Variants in NEO1 observed in about 807,000 individuals in gnomAD.
The protein encoded by NEO1 is neogenin 1, also known as neogenin.
NEO1 carries 63 observed loss-of-function variants against 159.7 expected under a neutral mutation model. The observed-to-expected ratio is 0.39, with a 90% CI of 0.32 to 0.49. NEO1 has a LOEUF of 0.49. Among genes scored for constraint, NEO1 ranks in the 20% least tolerant of loss-of-function variants. The pLI is 0.85. For missense variants in NEO1, 1,615 were observed against 1,831.0 expected, an observed-to-expected ratio of 0.88 and a Z score of 2.15; for synonymous variants, 633 against 662.0, an observed-to-expected ratio of 0.96 and a Z score of 0.67.
chr15:73,262,033 T>C (rs1330201134), intron 15 of NEO1, among the ~76,000 whole-genome samples: 2 of 152,252 alleles, frequency 1.3e-5, no homozygotes, highest in East Asian at 3.9e-4. Flanking sequence ...AAGACAGTCT[T>C]TTTAACAAAA....
intron 1 of NEO1, among the ~76,000 whole-genome samples, chr15:73,089,962 C>T (rs971730290): frequency 4.6e-5 from 7 of 152,098 alleles, no homozygotes; most frequent in Non-Finnish European, 1.5e-5. Flanking sequence ...GGGACGGACC[C>T]AGTTTACACC....
intron 11 of NEO1, among the ~76,000 whole-genome samples, chr15:73,250,404 C>T (rs1049699919): frequency 1.6e-4 from 25 of 152,026 alleles, no homozygotes; most frequent in Admixed American, 8.5e-4. Context: ...TTTAAAAAAA[C>T]GTATTTATGT....
At chr15:73,185,248 T>G (rs2151986431) in intron 7 of NEO1, among the ~76,000 whole-genome samples, 1 of 152,292 alleles carries the variant, frequency 6.6e-6, no homozygotes. Flanking sequence ...ATTTGCAACA[T>G]CAAGAGTGAA....
chr15:73,110,227 A>G (rs2070902654), intron 1 of NEO1, among the ~76,000 whole-genome samples: 1 of 152,148 alleles, frequency 6.6e-6, no homozygotes, highest in South Asian at 2.1e-4. Flanking sequence ...ACAAGTAGTA[A>G]AAAAAGAAAA....
At chr15:73,298,212 C>T (rs2042454835) in intron 26 of NEO1, 136 bp from the exon 27 acceptor site, 1 of 1,028,912 alleles carries the variant, frequency 9.7e-7, no homozygotes, top group Non-Finnish European at 1.4e-6. Flanking sequence ...TGGTGCTAAT[C>T]CATGTTCTCT....
chr15:73,301,185 A>G, intron 27 of NEO1, 136 bp from the exon 28 acceptor site: 1 of 1,101,790 alleles, frequency 9.1e-7, no homozygotes, highest in Non-Finnish European at 1.3e-6. Context: ...TTATTCCAGT[A>G]ACTTTTCAGA....
chr15:73,174,387 C>T (rs1347829204), intron 5 of NEO1, among the ~76,000 whole-genome samples: 1 of 152,084 alleles, frequency 6.6e-6, no homozygotes. Context: ...GTGGGCTGGA[C>T]AGATGATAAG....
At chr15:73,072,639 G>T (rs1414475950) in intron 1 of NEO1, among the ~76,000 whole-genome samples, 2 of 152,170 alleles carry the variant, frequency 1.3e-5, no homozygotes, top group East Asian at 3.9e-4. Context: ...TAAATTTAAT[G>T]AATTTAAAAG....
chr15:73,258,441 T>G (rs1018871670), intron 13 of NEO1, among the ~76,000 whole-genome samples: 6 of 152,310 alleles, frequency 3.9e-5, no homozygotes, highest in Admixed American at 2.6e-4. Context: ...GGCCTTAGCT[T>G]TCTTTGTAAC....
At chr15:73,195,515 G>C (rs1223087980) in intron 7 of NEO1, among the ~76,000 whole-genome samples, 4 of 152,122 alleles carry the variant, frequency 2.6e-5, no homozygotes, top group Non-Finnish European at 5.9e-5. Context: ...AATATAATTT[G>C]ATATGCATTT....
At chr15:73,170,244 C>T (rs1483038217) in intron 5 of NEO1, among the ~76,000 whole-genome samples, 2 of 152,164 alleles carry the variant, frequency 1.3e-5, no homozygotes, top group Middle Eastern at 3.4e-3. Context: ...ATTGTTGGTA[C>T]AGATGTTTAT....
Position 73,136,018 on chromosome 15 carries a change from A to G in NEO1, c.1006A>G (p.Thr336Ala). ...GACAATTGAAGCTCAAGCAGAGCTT[A>G]CAGTGCAAGGTATGTAAATATTTAC... ...NETIEAQAEL[T>A]VQAQPEFLKQ... The change falls in exon 5 of 29, where the codon ACA becomes GCA. Residue 336 changes from threonine (T) to alanine (A), a missense_variant. Thr to Ala is a moderately conservative substitution (Grantham distance 58, BLOSUM62 0). This residue lies in a region of NEO1 where 1,018 missense variants were observed against 1,115.4 expected (regional missense o/e 0.91). Coordinates refer to ENST00000261908, the MANE Select transcript of NEO1 (RefSeq NM_002499.4). The G allele has an allele frequency of 1.2e-6, 2 of 1,609,116 alleles. No homozygotes were observed. Among genetic ancestry groups the G allele is most frequent in the Non-Finnish European group, 1.7e-6 (2 of 1,178,690 alleles).
At chr15:73,130,843 G>A (rs1203377971) in intron 4 of NEO1, among the ~76,000 whole-genome samples, 6 of 152,204 alleles carry the variant, frequency 3.9e-5, no homozygotes, top group Non-Finnish European at 8.8e-5. Context: ...AGCAAGGCTC[G>A]CTTCATGGTG....
chr15:73,062,220 GA>G (rs1050721407), intron 1 of NEO1, among the ~76,000 whole-genome samples: 1 of 151,644 alleles, frequency 6.6e-6, no homozygotes, highest in Non-Finnish European at 1.5e-5. Flanking sequence ...TTTGATAGAA[GA>G]AAAAAAACCT....
chr15:73,209,309 G>C (rs984850165), intron 7 of NEO1, among the ~76,000 whole-genome samples: 1 of 152,184 alleles, frequency 6.6e-6, no homozygotes, highest in Admixed American at 6.5e-5. Context: ...TTACATGACA[G>C]ATTACTCTCA....
chr15:73,099,663 A>G (rs1433860940), intron 1 of NEO1, among the ~76,000 whole-genome samples: 1 of 152,188 alleles, frequency 6.6e-6, no homozygotes, highest in African/African-American at 2.4e-5. Flanking sequence ...TTCATGTGCT[A>G]TTTGTTTTCT....
At chr15:73,271,906 C>CAAAAA (rs57979197) in intron 18 of NEO1, among the ~76,000 whole-genome samples, 1 of 92,564 alleles carries the variant, frequency 1.1e-5, no homozygotes, top group Non-Finnish European at 2.3e-5. Flanking sequence ...GACTCCATCT[C>CAAAAA]AAAAAAAAAA....
At chr15:73,226,991 C>A (rs1288086809) in intron 7 of NEO1, among the ~76,000 whole-genome samples, 1 of 152,162 alleles carries the variant, frequency 6.6e-6, no homozygotes, top group Non-Finnish European at 1.5e-5. Context: ...AAGGGTGCAA[C>A]ATGCCTAGTG....
intron 1 of NEO1, among the ~76,000 whole-genome samples, chr15:73,069,893 A>G (rs1412825389): frequency 2.0e-5 from 3 of 152,212 alleles, no homozygotes; most frequent in African/African-American, 7.2e-5. Context: ...GTCTGCTTCC[A>G]CCTTAAAGCT....
Sources: gnomAD v4.1 joint callset for allele counts (sites outside exome capture counted in the v4.1 genomes callset) on GRCh38, gnomAD v4.1.1 for gene constraint, gnomAD v4.1.1 regional missense constraint, MANE v1.5 for transcripts, NCBI Gene and HGNC (gene_info 2026-07-23, HGNC 2026-07-21) for gene names.